Variants in TMEM117 observed in about 807,000 individuals in gnomAD.
TMEM117 encodes the protein transmembrane protein 117.
TMEM117 carries 27 observed loss-of-function variants against 52.4 expected under a neutral mutation model. The ratio of observed to expected loss-of-function variants is 0.51; its 90% confidence interval spans 0.38 to 0.71. TMEM117 has a LOEUF of 0.71. Ranked by LOEUF, TMEM117 falls within the 30% of genes least tolerant of loss-of-function variation. The pLI, the probability that TMEM117 is intolerant of heterozygous loss-of-function variation, is 0.00. For missense variants in TMEM117, 556 were observed against 630.5 expected (o/e 0.88, Z 1.26); for synonymous variants, 215 against 206.3 (o/e 1.04, Z -0.36).
chr12:43,987,875 A>C (rs1378060383), intron 3 of TMEM117, among the ~76,000 whole-genome samples: 3 of 152,122 alleles, frequency 2.0e-5, no homozygotes, highest in Non-Finnish European at 4.4e-5. Context: ...GTTGAAAATT[A>C]ATATTTATTT....
chr12:44,164,042 G>A (rs1948931690), intron 4 of TMEM117, among the ~76,000 whole-genome samples: 1 of 152,122 alleles, frequency 6.6e-6, no homozygotes, highest in African/African-American at 2.4e-5. Flanking sequence ...GCAGGAGCTA[G>A]GGTGGGATTG....
In TMEM117 at chr12:44,130,873, A is replaced by G. The variant is rs947383964; in HGVS notation, c.411-12652A>G. Among the ~76,000 whole-genome samples, 4 of 152,014 alleles carry G rather than the reference A, an allele frequency of 2.6e-5. No individual in the cohort carries two copies. The East Asian group carries it at 7.7e-4, about 29-fold the overall frequency. On this transcript the variant is annotated intron_variant, in intron 3 of 7. Coordinates refer to ENST00000266534, the MANE Select transcript of TMEM117 (RefSeq NM_032256.3). ...CTGAAGAGTCTATAGCAATGCCCCT[A>G]TTTCATTTCTGACATTGATTTCTGA... is the stretch of plus-strand genomic sequence containing the variant.
chr12:44,232,371 A>T (rs913656255), intron 5 of TMEM117, among the ~76,000 whole-genome samples: 1 of 150,900 alleles, frequency 6.6e-6, no homozygotes, highest in Non-Finnish European at 1.5e-5. Flanking sequence ...GGAAAAGTTT[A>T]TTTTTTTTCC....
chr12:43,886,804 GC>G (rs983887745), intron 2 of TMEM117, among the ~76,000 whole-genome samples: 1 of 151,978 alleles, frequency 6.6e-6, no homozygotes, highest in Non-Finnish European at 1.5e-5. Flanking sequence ...CCCCAGAAAG[GC>G]CCCAGTGTGA....
the TMEM117 span, chr12:43,804,625 T>C: frequency 7.9e-7 from 1 of 1,260,042 alleles, no homozygotes; most frequent in African/African-American, 1.5e-5. Context: ...ATAAATACTT[T>C]CCTATCTATA....
At chr12:44,304,288 T>C (rs1295360452) in intron 6 of TMEM117, among the ~76,000 whole-genome samples, 1 of 152,156 alleles carries the variant, frequency 6.6e-6, no homozygotes, top group Non-Finnish European at 1.5e-5. Flanking sequence ...CTGGCACACA[T>C]AGAGAGCATC....
chr12:44,358,698 T>A (rs1007983909), intron 6 of TMEM117, among the ~76,000 whole-genome samples: 4 of 152,136 alleles, frequency 2.6e-5, no homozygotes, highest in Non-Finnish European at 4.4e-5. Flanking sequence ...ATACTATGAT[T>A]TTTTTAAAGA....
chr12:44,342,738 G>C (rs1013009691), intron 6 of TMEM117, among the ~76,000 whole-genome samples: 1 of 152,094 alleles, frequency 6.6e-6, no homozygotes, highest in South Asian at 2.1e-4. Context: ...AGACAAAAAG[G>C]CATATTTTTC....
intron 5 of TMEM117, among the ~76,000 whole-genome samples, chr12:44,295,144 G>A (rs896094848): frequency 2.0e-5 from 3 of 151,822 alleles, no homozygotes; most frequent in Non-Finnish European, 4.4e-5. Flanking sequence ...CATAAATCGC[G>A]TATTTATTAT....
At chr12:43,919,856 G>A (rs1944663108) in intron 2 of TMEM117, among the ~76,000 whole-genome samples, 1 of 149,582 alleles carries the variant, frequency 6.7e-6, no homozygotes, top group African/African-American at 2.5e-5. Context: ...ATCTCATTGT[G>A]GTTTTGATTT....
chr12:43,968,544 G>A (rs59709721), intron 3 of TMEM117, among the ~76,000 whole-genome samples: 14,995 of 152,168 alleles, frequency 0.099, 1,544 homozygotes, highest in African/African-American at 0.25. Context: ...CATTTTTCCG[G>A]CTATATAGTT....
At chr12:44,070,822 C>G (rs1947290758) in intron 3 of TMEM117, among the ~76,000 whole-genome samples, 1 of 152,146 alleles carries the variant, frequency 6.6e-6, no homozygotes, top group Admixed American at 6.5e-5. Flanking sequence ...GAGAAGCCAC[C>G]TGGTCTCTGC....
At chr12:44,047,938 G>A (rs1317092557) in intron 3 of TMEM117, among the ~76,000 whole-genome samples, 2 of 152,108 alleles carry the variant, frequency 1.3e-5, no homozygotes, top group African/African-American at 4.8e-5. Flanking sequence ...CTGGAAGAGT[G>A]TACAAAGTTG....
chr12:44,227,689 G>A (rs1182089364), intron 5 of TMEM117, among the ~76,000 whole-genome samples: 2 of 152,162 alleles, frequency 1.3e-5, no homozygotes, highest in East Asian at 1.9e-4. Flanking sequence ...AATGTAGAAA[G>A]GTCCTTTTTG....
chr12:43,840,582 C>T (rs1380285482), intron 1 of TMEM117, among the ~76,000 whole-genome samples: 1 of 152,154 alleles, frequency 6.6e-6, no homozygotes, highest in African/African-American at 2.4e-5. Context: ...AATGAGGGAG[C>T]TTCTCTTTGT....
chr12:43,979,045 G>A (rs991998365), intron 3 of TMEM117, among the ~76,000 whole-genome samples: 1 of 151,420 alleles, frequency 6.6e-6, no homozygotes, highest in Non-Finnish European at 1.5e-5. Context: ...AGAGAGTCTA[G>A]GGTTGTATTG....
At chr12:44,062,133 A>G (rs1001344239) in intron 3 of TMEM117, among the ~76,000 whole-genome samples, 1 of 152,196 alleles carries the variant, frequency 6.6e-6, no homozygotes, top group African/African-American at 2.4e-5. Context: ...AAGAAGGCAA[A>G]TGTTTTGGAC....
At chr12:44,059,917 A>C (rs1377720168) in intron 3 of TMEM117, among the ~76,000 whole-genome samples, 1 of 152,236 alleles carries the variant, frequency 6.6e-6, no homozygotes, top group Admixed American at 6.5e-5. Context: ...ATGACAGCCT[A>C]AATAAGAAGA....
chr12:44,126,526 C>T (rs1370484082), intron 3 of TMEM117, among the ~76,000 whole-genome samples: 1 of 152,194 alleles, frequency 6.6e-6, no homozygotes, highest in African/African-American at 2.4e-5. Flanking sequence ...TGCCTTGAAA[C>T]TATCAGGATT....
Sources: allele counts gnomAD v4.1 joint callset (sites outside exome capture counted in the v4.1 genomes callset), GRCh38; gene constraint gnomAD v4.1.1; transcripts MANE v1.5; gene names NCBI Gene and HGNC (gene_info 2026-07-23, HGNC 2026-07-21).